Variants in PLEKHA6 observed in about 807,000 individuals in gnomAD.
PLEKHA6 encodes the protein pleckstrin homology domain-containing family A member 6.
A neutral mutation model predicts 116.7 loss-of-function variants in PLEKHA6; 60 were observed. That is an observed-to-expected ratio of 0.51 (90% confidence interval 0.42 to 0.64). The LOEUF (loss-of-function observed/expected upper bound fraction) is 0.64. Among genes scored for constraint, PLEKHA6 ranks in the 30% least tolerant of loss-of-function variants. The probability of loss-of-function intolerance (pLI) is 0.00; values close to 1 mark genes in which losing one functional copy is unlikely to be tolerated. For missense variants in PLEKHA6, 1,338 were observed against 1,422.7 expected (o/e 0.94, Z 0.96); for synonymous variants, 489 against 556.1 (o/e 0.88, Z 1.70).
intron 14 of PLEKHA6, 138 bp downstream of exon 14, chr1:204,245,477 G>A (rs1373675227): frequency 1.6e-6 from 1 of 619,370 alleles, no homozygotes; most frequent in African/African-American, 1.8e-5. Flanking sequence ...GAACCCAGGG[G>A]AAGATTCTGG....
At chr1:204,306,304 A>T (rs1370147640) in intron 1 of PLEKHA6, among the ~76,000 whole-genome samples, 1 of 152,074 alleles carries the variant, frequency 6.6e-6, no homozygotes, top group Non-Finnish European at 1.5e-5. Context: ...CCCACCCACC[A>T]GCCCCTGTAC....
Position 204,261,279 on chromosome 1 carries a change from C to T in PLEKHA6, c.524+27G>A. 6.2e-7 allele frequency: 1 copy of T among 1,613,568 alleles called. No individual in the cohort carries two copies. The highest frequency in any genetic ancestry group is 1.1e-5 in the South Asian group (1 of 91,056). On this transcript the variant is annotated intron_variant, in intron 7 of 22. Transcript: ENST00000272203. The surrounding 1 kb of genome is among the most constrained non-coding windows in gnomAD (Gnocchi z 4.0). ...ATTCCCCTCTTTATTCTTCCTGCACCCCCACACTCAATTCCCTGGCACTCA... is the reference window on the plus strand; with the variant it reads ...ATTCCCCTCTTTATTCTTCCTGCACTCCCACACTCAATTCCCTGGCACTCA...
At chr1:204,315,359 C>T (rs891545245) in intron 1 of PLEKHA6, among the ~76,000 whole-genome samples, 3 of 152,186 alleles carry the variant, frequency 2.0e-5, no homozygotes, top group African/African-American at 4.8e-5. Context: ...ATCTTTCAAA[C>T]GTCATATTCT....
At chr1:204,322,315 G>A (rs12134661) in intron 1 of PLEKHA6, among the ~76,000 whole-genome samples, 16,051 of 152,176 alleles carry the variant, frequency 0.11, 1,692 homozygotes, top group East Asian at 0.58. Context: ...TTTAAGGGGA[G>A]GAAATGATGA....
chr1:204,309,809 T>C, intron 1 of PLEKHA6: 2 of 511,740 alleles, frequency 3.9e-6, no homozygotes, highest in Non-Finnish European at 5.0e-6. Flanking sequence ...CAGCAAACTT[T>C]TTATGTAAAG....
chr1:204,230,406 G>T lies in PLEKHA6; in HGVS notation c.2583+7C>A, dbSNP rs769177755. Reference sequence around the variant, plus strand: ...CTCACGCCTGTGGGTAGCTGGGAAGGCATTACCACTTTGTAGGCTGGCCGG... The same window carrying T: ...CTCACGCCTGTGGGTAGCTGGGAAGTCATTACCACTTTGTAGGCTGGCCGG... On this transcript the variant is annotated splice_region_variant and intron_variant, in intron 18 of 22. Coordinates refer to ENST00000272203, the MANE Select transcript of PLEKHA6 (RefSeq NM_014935.5). The T allele has an allele frequency of 1.5e-5, 24 of 1,571,272 alleles. No homozygotes were observed. The highest frequency in any genetic ancestry group is 2.1e-5 in the Non-Finnish European group (24 of 1,158,946).
intron 17 of PLEKHA6, among the ~76,000 whole-genome samples, chr1:204,237,309 T>C: frequency 6.6e-6 from 1 of 152,164 alleles, no homozygotes; most frequent in East Asian, 1.9e-4. Flanking sequence ...GTGAGGGCTA[T>C]GATGGTGGGA....
intron 5 of PLEKHA6, 42 bp from the exon 6 acceptor site, chr1:204,265,084 TGCAA>T (rs1571968292): frequency 7.5e-7 from 1 of 1,334,896 alleles, no homozygotes; most frequent in South Asian, 1.2e-5. Flanking sequence ...TGTGTGTGTG[TGCAA>T]GCGTGTGCGT....
chr1:204,276,276 C>T (rs985374381), intron 1 of PLEKHA6, among the ~76,000 whole-genome samples: 26 of 152,300 alleles, frequency 1.7e-4, no homozygotes, highest in African/African-American at 5.8e-4. Context: ...AAACCAGGCG[C>T]GTGTCCACCA....
chr1:204,349,570 G>A (rs1337351152), intron 1 of PLEKHA6, among the ~76,000 whole-genome samples: 1 of 150,030 alleles, frequency 6.7e-6, no homozygotes, highest in Non-Finnish European at 1.5e-5. Flanking sequence ...GAATCCTTGA[G>A]TTCTCCTCAC....
chr1:204,307,636 C>G (rs1172743436), intron 1 of PLEKHA6, among the ~76,000 whole-genome samples: 1 of 152,236 alleles, frequency 6.6e-6, no homozygotes, highest in African/African-American at 2.4e-5. Context: ...ACACTCACAC[C>G]CCCAGTTCCT....
At chr1:204,326,833 A>T (rs1205677699) in intron 1 of PLEKHA6, 1 of 217,170 alleles carries the variant, frequency 4.6e-6, no homozygotes, top group Admixed American at 6.5e-5. Context: ...CTAGGACTTG[A>T]CCTCACTCAG....
At chr1:204,256,848 A>C (rs1223985105) in intron 9 of PLEKHA6, 2 of 665,482 alleles carry the variant, frequency 3.0e-6, no homozygotes, top group East Asian at 2.8e-5. Flanking sequence ...GTAGGGGAAC[A>C]GTCCTGCAGG....
chr1:204,308,960 A>G (rs1671541412), intron 1 of PLEKHA6: 1 of 377,286 alleles, frequency 2.7e-6, no homozygotes, highest in African/African-American at 2.2e-5. Flanking sequence ...AAGTGCTGGG[A>G]TTACAGGCGT....
At chr1:204,225,898 G>A (rs1008438203) in intron 21 of PLEKHA6, among the ~76,000 whole-genome samples, 3 of 152,124 alleles carry the variant, frequency 2.0e-5, no homozygotes, top group Non-Finnish European at 2.9e-5. Context: ...CGCGCCACAC[G>A]TACAAACTCA....
rs116387114 is a variant in PLEKHA6, at chr1:204,296,520, C to T, written c.-94-21711G>A. On this transcript the variant is annotated intron_variant, in intron 1 of 22. Coordinates refer to ENST00000272203, the MANE Select transcript of PLEKHA6 (RefSeq NM_014935.5). ...CCCTACTCGCTTTGCTGTGGGTAGC[C>T]CCACCTTCCCCAAAGGGCATTGCAG... 1.7e-3 allele frequency among the ~76,000 whole-genome samples: 258 copies of T among 152,294 alleles called. 3 individuals are homozygous for T. The highest frequency in any genetic ancestry group is 6.0e-3 in the African/African-American group (248 of 41,554).
chr1:204,313,571 TCTC>T lies in PLEKHA6; in HGVS notation c.-94-38765_-94-38763del, dbSNP rs141491678. ...CTGACCTTGAGGCTACTGCTTCTCT[TCTC>T]AGTCCCTGGGGAGAAAATTCTCTTG... On this transcript the variant is annotated intron_variant, in intron 1 of 22. Transcript: ENST00000272203. The T allele has an allele frequency of 1.8e-3, 1,801 of 985,118 alleles. 29 individuals carry two copies. The African/African-American group carries it at 0.029, about 16-fold the overall frequency. The allele number at this position is 985,118 out of a possible 1,614,324, so 61.0% of individuals were successfully genotyped here. A position where few individuals can be genotyped will look rare whatever the true frequency, so the allele number is the denominator to read the frequency against.
intron 1 of PLEKHA6, among the ~76,000 whole-genome samples, chr1:204,291,810 A>C (rs1487239683): frequency 1.3e-5 from 2 of 152,292 alleles, no homozygotes; most frequent in African/African-American, 4.8e-5. Flanking sequence ...GCAGGAAGAA[A>C]CTGGGGAGTG....
intron 1 of PLEKHA6, among the ~76,000 whole-genome samples, chr1:204,324,280 T>C (rs1338612742): frequency 5.9e-5 from 9 of 152,046 alleles, no homozygotes; most frequent in Admixed American, 4.6e-4. Context: ...ATTTTGAAGA[T>C]GGAAGGAAAT....
Sources: gnomAD v4.1 joint callset for allele counts (sites outside exome capture counted in the v4.1 genomes callset) on GRCh38, gnomAD v4.1.1 for gene constraint, Gnocchi (gnomAD v3.1) non-coding constraint, MANE v1.5 for transcripts, NCBI Gene and HGNC (gene_info 2026-07-23, HGNC 2026-07-21) for gene names.